The following PRKG1 variants were observed in gnomAD, a reference collection of about 807,000 sequenced individuals.
The protein encoded by PRKG1 is protein kinase cGMP-dependent 1.
Under a neutral mutation model 88.1 loss-of-function variants are expected in PRKG1, and 35 were observed. The ratio of observed to expected loss-of-function variants is 0.40; its 90% confidence interval spans 0.30 to 0.53. The LOEUF is 0.53. Among genes scored for constraint, PRKG1 ranks in the 20% least tolerant of loss-of-function variants. PRKG1 has a pLI of 0.59. For missense variants in PRKG1, 540 were observed against 839.8 expected (o/e 0.64, Z 4.41); for synonymous variants, 303 against 292.5 (o/e 1.04, Z -0.37).
chr10:51,107,180 C>T lies in PRKG1; in HGVS notation c.311+32279C>T, dbSNP rs143546785. On this transcript the variant is annotated intron_variant, in intron 1 of 17. Coordinates refer to ENST00000373980, the MANE Select transcript of PRKG1 (RefSeq NM_006258.4). ...AGGGCCCTAAGGTAGGAACAAGCTT[C>T]GTGTACATGAGGGCCAGCAGGGCTA... Among the ~76,000 whole-genome samples the T allele has an allele frequency of 5.9e-5, 9 of 152,088 alleles. No homozygotes were observed. In the East Asian group the frequency reaches 1.6e-3, roughly 26 times the overall value.
chr10:51,157,579 G>A (rs1846245296), intron 2 of PRKG1, among the ~76,000 whole-genome samples: 1 of 151,814 alleles, frequency 6.6e-6, no homozygotes, highest in Non-Finnish European at 1.5e-5. Context: ...AATTGGTGAT[G>A]CATTATTTGG....
chr10:52,150,149 A>AAATAGTAATAATAATAAT (rs1837863428), intron 8 of PRKG1, among the ~76,000 whole-genome samples: 1 of 82,400 alleles, frequency 1.2e-5, no homozygotes, highest in Non-Finnish European at 3.1e-5. Context: ...CTCCATCTCA[A>AAATAGTAATAATAATAAT]AATAATAATA....
intron 3 of PRKG1, among the ~76,000 whole-genome samples, chr10:51,771,165 A>G (rs1253197612): frequency 6.6e-6 from 1 of 152,194 alleles, no homozygotes; most frequent in African/African-American, 2.4e-5. Context: ...CAAAAACCAC[A>G]ATTACTGTTG....
chr10:51,290,872 C>T (rs1840565970), intron 2 of PRKG1, among the ~76,000 whole-genome samples: 2 of 152,040 alleles, frequency 1.3e-5, no homozygotes, highest in South Asian at 4.1e-4. Flanking sequence ...TTAGTCACTG[C>T]CAGACGAAGA....
intron 1 of PRKG1, among the ~76,000 whole-genome samples, chr10:51,024,783 A>G (rs1843185224): frequency 6.6e-6 from 1 of 152,162 alleles, no homozygotes; most frequent in East Asian, 1.9e-4. Context: ...TAGGTACGAC[A>G]CACTTTTAAG....
chr10:51,659,682 T>G (rs1343256823), intron 3 of PRKG1, among the ~76,000 whole-genome samples: 2 of 152,090 alleles, frequency 1.3e-5, no homozygotes, highest in African/African-American at 4.8e-5. Context: ...TTTGTGAAGT[T>G]TGAAGCCTAT....
Position 52,050,353 on chromosome 10 carries a change from GCTGT to G in PRKG1, c.763-4128_763-4125del, listed in dbSNP as rs561083771. Among the ~76,000 whole-genome samples, 313 of 152,234 alleles carry G rather than the reference GCTGT, an allele frequency of 2.1e-3. 4 individuals are homozygous for G. The highest frequency in any genetic ancestry group is 6.3e-4 in the Non-Finnish European group (43 of 68,026). Reference sequence around the variant, plus strand: ...TAACTATGGAAACCTTTGAAAGGAAGCTGTCTAATTGCTAAGATTTCTTCTTACT... The same window carrying G: ...TAACTATGGAAACCTTTGAAAGGAAGCTAATTGCTAAGATTTCTTCTTACT... On this transcript the variant is annotated intron_variant, in intron 5 of 17. Coordinates refer to ENST00000373980, the MANE Select transcript of PRKG1 (RefSeq NM_006258.4).
intron 2 of PRKG1, among the ~76,000 whole-genome samples, chr10:51,354,781 G>C (rs545428549): frequency 1.3e-5 from 2 of 152,186 alleles, no homozygotes; most frequent in East Asian, 3.9e-4. Context: ...AAGGAGACAG[G>C]CTGTGTTGTC....
intron 2 of PRKG1, among the ~76,000 whole-genome samples, chr10:51,365,811 T>C (rs918346853): frequency 1.3e-5 from 2 of 151,928 alleles, no homozygotes; most frequent in African/African-American, 4.8e-5. Flanking sequence ...ATATGCATAT[T>C]CTTACTAGTT....
chr10:51,552,602 A>C (rs1837166689), intron 3 of PRKG1, among the ~76,000 whole-genome samples: 1 of 151,578 alleles, frequency 6.6e-6, no homozygotes, highest in Non-Finnish European at 1.5e-5. Context: ...TGCTTTATGT[A>C]ATCAATCAAC....
chr10:52,223,490 T>C (rs1390555397), intron 9 of PRKG1, among the ~76,000 whole-genome samples: 1 of 152,166 alleles, frequency 6.6e-6, no homozygotes, highest in Non-Finnish European at 1.5e-5. Flanking sequence ...GCACTTCCAA[T>C]AGTTCTATGT....
At chr10:52,228,297 A>AAT (rs1554819294) in intron 9 of PRKG1, among the ~76,000 whole-genome samples, 1 of 151,990 alleles carries the variant, frequency 6.6e-6, no homozygotes, top group East Asian at 1.9e-4. Flanking sequence ...AAAAAAAAAA[A>AAT]AGAAATGAAG....
At chr10:51,366,974 T>C (rs767117441) in intron 2 of PRKG1, among the ~76,000 whole-genome samples, 29 of 151,944 alleles carry the variant, frequency 1.9e-4, no homozygotes, top group Non-Finnish European at 4.0e-4. Flanking sequence ...TCTTGGGTTC[T>C]GAGCCATTGC....
intron 4 of PRKG1, among the ~76,000 whole-genome samples, chr10:51,808,877 G>A (rs1294388356): frequency 3.3e-5 from 5 of 152,112 alleles, no homozygotes; most frequent in Non-Finnish European, 5.9e-5. Flanking sequence ...CTTTTCGGTA[G>A]GGGTCTCTGT....
chr10:52,181,419 CTTTTTTTTTT>C (rs761799361), intron 9 of PRKG1, among the ~76,000 whole-genome samples: 6 of 55,056 alleles, frequency 1.1e-4, no homozygotes, highest in Non-Finnish European at 1.9e-4. Flanking sequence ...CACAGCTCTT[CTTTTTTTTTT>C]TTTTTTTTTT....
chr10:52,058,127 A>C (rs759437225), intron 6 of PRKG1, among the ~76,000 whole-genome samples: 2 of 151,980 alleles, frequency 1.3e-5, no homozygotes, highest in African/African-American at 2.4e-5. Flanking sequence ...ATTTTTCTTT[A>C]TTAATGGAAC....
chr10:52,018,511 T>A (rs1260059712), intron 5 of PRKG1, among the ~76,000 whole-genome samples: 3 of 152,212 alleles, frequency 2.0e-5, no homozygotes, highest in Admixed American at 2.0e-4. Flanking sequence ...AGGAATCATA[T>A]GATTCTTGTA....
chr10:52,223,165 TC>T (rs1193296485), intron 9 of PRKG1, among the ~76,000 whole-genome samples: 1 of 152,164 alleles, frequency 6.6e-6, no homozygotes, highest in East Asian at 1.9e-4. Context: ...TGACTGCTAA[TC>T]CAGTTCTTTG....
intron 7 of PRKG1, among the ~76,000 whole-genome samples, chr10:52,094,254 T>C (rs1847123111): frequency 6.6e-6 from 1 of 152,224 alleles, no homozygotes; most frequent in African/African-American, 2.4e-5. Flanking sequence ...AACAAATTTA[T>C]GCAATCATTC....
Sources: gnomAD v4.1 joint callset for allele counts (sites outside exome capture counted in the v4.1 genomes callset) on GRCh38, gnomAD v4.1.1 for gene constraint, MANE v1.5 for transcripts, NCBI Gene and HGNC (gene_info 2026-07-23, HGNC 2026-07-21) for gene names.